The following CTNNA2 variants were observed in gnomAD, a reference collection of about 807,000 sequenced individuals.
The protein encoded by CTNNA2 is catenin alpha 2.
In CTNNA2, 42 loss-of-function variants were observed where a neutral mutation model predicts 101.0. The ratio of observed to expected loss-of-function variants is 0.42; its 90% CI spans 0.32 to 0.54. CTNNA2 has a LOEUF of 0.54. CTNNA2 is among the 20% of genes least tolerant of loss of function. The pLI is 0.14. For missense variants in CTNNA2, 871 were observed against 1,223.1 expected (o/e 0.71, Z 4.29); for synonymous variants, 450 against 456.4 (o/e 0.99, Z 0.18).
At chr2:79,376,258 G>A (rs1242619692) in intron 4 of CTNNA2, among the ~76,000 whole-genome samples, 1 of 152,058 alleles carries the variant, frequency 6.6e-6, no homozygotes, top group Non-Finnish European at 1.5e-5. Context: ...CAAAGAGAGA[G>A]TGCTTGCAGA....
chr2:80,644,334 A>G (rs533946160), intron 18 of CTNNA2, among the ~76,000 whole-genome samples: 2 of 152,336 alleles, frequency 1.3e-5, no homozygotes, highest in Admixed American at 6.5e-5. Flanking sequence ...TTTGATTATT[A>G]TGAAAACTTA....
intron 17 of CTNNA2, among the ~76,000 whole-genome samples, chr2:80,614,213 A>G (rs185963551): frequency 3.3e-5 from 5 of 151,596 alleles, no homozygotes; most frequent in African/African-American, 1.2e-4. Context: ...GTGATTGCAT[A>G]TACAGTTGGC....
intron 7 of CTNNA2, among the ~76,000 whole-genome samples, chr2:79,968,427 G>A (rs1474193975): frequency 6.6e-6 from 1 of 152,100 alleles, no homozygotes; most frequent in Non-Finnish European, 1.5e-5. Flanking sequence ...TATGAACCCA[G>A]GAATCAGCTT....
chr2:79,308,229 A>C (rs562885582), intron 2 of CTNNA2, among the ~76,000 whole-genome samples: 1 of 152,174 alleles, frequency 6.6e-6, no homozygotes, highest in Non-Finnish European at 1.5e-5. Context: ...TATTTTCTGC[A>C]GAGACAGGGT....
At chr2:79,611,931 G>T (rs1229933786) in intron 1 of CTNNA2, among the ~76,000 whole-genome samples, 1 of 152,124 alleles carries the variant, frequency 6.6e-6, no homozygotes, top group African/African-American at 2.4e-5. Flanking sequence ...TGTTTTAAAT[G>T]TCACTTCTCT....
intron 4 of CTNNA2, among the ~76,000 whole-genome samples, chr2:79,427,067 C>G (rs1184817721): frequency 3.3e-5 from 5 of 151,894 alleles, no homozygotes; most frequent in African/African-American, 7.2e-5. Flanking sequence ...AAGAAAAGCA[C>G]AGTCATGTCT....
At chr2:79,742,348 T>G (rs1052329578) in intron 2 of CTNNA2, among the ~76,000 whole-genome samples, 2 of 150,724 alleles carry the variant, frequency 1.3e-5, no homozygotes, top group African/African-American at 5.0e-5. Flanking sequence ...ATTTGTGAAG[T>G]CTAAAAAAAA....
At chr2:79,452,884 G>C (rs1670773257) in intron 4 of CTNNA2, among the ~76,000 whole-genome samples, 1 of 152,110 alleles carries the variant, frequency 6.6e-6, no homozygotes, top group Non-Finnish European at 1.5e-5. Flanking sequence ...CTGGGGATGA[G>C]ACGAAGAAGT....
rs941336754 is a variant in CTNNA2, at chr2:80,501,461, T to C, written c.1291-43521T>C. On this transcript the variant is annotated intron_variant, in intron 9 of 18. Transcript: ENST00000402739. ...AGACATGGTTAGAGAACTGCTTTAG[T>C]TCTCTACCAGCTCAAGAACATAAAC... 5.9e-5 allele frequency among the ~76,000 whole-genome samples: 9 copies of C among 152,216 alleles called. No individual in the cohort carries two copies. In the South Asian group the frequency reaches 8.3e-4, roughly 14 times the overall value.
chr2:79,644,574 C>T (rs1305838557), intron 1 of CTNNA2, among the ~76,000 whole-genome samples: 1 of 152,166 alleles, frequency 6.6e-6, no homozygotes. Flanking sequence ...CTTTGCCAGG[C>T]CCCTGTGTTG....
At chr2:79,207,689 G>A (rs940832873) in intron 2 of CTNNA2, among the ~76,000 whole-genome samples, 2 of 152,188 alleles carry the variant, frequency 1.3e-5, no homozygotes, top group Non-Finnish European at 1.5e-5. Context: ...TCCCTGCAGA[G>A]CTGGTATGGC....
intron 9 of CTNNA2, among the ~76,000 whole-genome samples, chr2:80,522,790 C>A (rs554021870): frequency 6.6e-6 from 1 of 152,292 alleles, no homozygotes; most frequent in Non-Finnish European, 1.5e-5. Context: ...GAAGCAGAGG[C>A]CCGTACAGCC....
chr2:79,937,121 G>T (rs1157861753), intron 7 of CTNNA2, among the ~76,000 whole-genome samples: 4 of 152,022 alleles, frequency 2.6e-5, no homozygotes, highest in Non-Finnish European at 5.9e-5. Context: ...TTACATAGAG[G>T]TTTCTTATTC....
intron 4 of CTNNA2, among the ~76,000 whole-genome samples, chr2:79,395,107 A>C (rs1038734427): frequency 1.3e-5 from 2 of 152,206 alleles, no homozygotes; most frequent in African/African-American, 2.4e-5. Context: ...CCACCCTTCA[A>C]GATAAATACT....
intron 7 of CTNNA2, among the ~76,000 whole-genome samples, chr2:79,995,538 C>G (rs1330048748): frequency 6.6e-6 from 1 of 152,166 alleles, no homozygotes; most frequent in Non-Finnish European, 1.5e-5. Context: ...GGGCCAGGCA[C>G]AGTGTCTCAT....
chr2:79,385,495 CTTTATTTTATTTTAT>C (rs201553740), intron 4 of CTNNA2, among the ~76,000 whole-genome samples: 66 of 151,100 alleles, frequency 4.4e-4, no homozygotes, highest in African/African-American at 1.5e-3. Flanking sequence ...TAAATAGGGT[CTTTATTTTATTTTAT>C]TTTATTTTAT....
chr2:79,772,837 T>G (rs1673690710), intron 3 of CTNNA2, among the ~76,000 whole-genome samples: 1 of 152,212 alleles, frequency 6.6e-6, no homozygotes, highest in Admixed American at 6.5e-5. Flanking sequence ...AGCATGTTTG[T>G]CCATTTTTAC....
chr2:80,634,481 GTTA>G (rs1489356711), intron 18 of CTNNA2, among the ~76,000 whole-genome samples: 2 of 147,126 alleles, frequency 1.4e-5, no homozygotes, highest in Non-Finnish European at 3.0e-5. Context: ...TAGGAATTGA[GTTA>G]ATGAGAGCAA....
intron 1 of CTNNA2, among the ~76,000 whole-genome samples, chr2:79,563,161 GTATATATA>G (rs71385287): frequency 3.8e-5 from 3 of 78,618 alleles, no homozygotes; most frequent in East Asian, 8.3e-4. Context: ...ATAAAGATGT[GTATATATA>G]TATATATATA....
Sources: allele counts gnomAD v4.1 joint callset (sites outside exome capture counted in the v4.1 genomes callset), GRCh38; gene constraint gnomAD v4.1.1; transcripts MANE v1.5; gene names NCBI Gene and HGNC (gene_info 2026-07-23, HGNC 2026-07-21).